MMP26: variants seen among roughly 807,000 people sequenced by gnomAD.
MMP26 encodes the protein matrix metalloproteinase-26.
Under a neutral mutation model 31.0 loss-of-function variants are expected in MMP26, and 33 were observed. That is an observed-to-expected ratio of 1.06 (90% confidence interval 0.81 to 1.42). The LOEUF (loss-of-function observed/expected upper bound fraction) is 1.42, where lower values mean the gene tolerates loss of function less well. Ranked by LOEUF, MMP26 falls within the 40% of genes most tolerant of loss-of-function variation. The pLI is 0.00. For synonymous variants in MMP26, 122 were observed against 114.9 expected (o/e 1.06, Z -0.40); for missense variants, 347 against 316.1 (o/e 1.10, Z -0.74).
At position 4,706,150 on chromosome 11, in the gene MMP26, G is replaced by A. The variant is rs376975133; in HGVS notation, c.-217+1105G>A. Reference sequence around the variant, plus strand: ...TTCAGTGAAGTAAATTGTTTGGCACGTAGAAGGCATTAAATACATTACCAC... The same window carrying A: ...TTCAGTGAAGTAAATTGTTTGGCACATAGAAGGCATTAAATACATTACCAC... On this transcript the variant is annotated intron_variant, in intron 1 of 7. Coordinates refer to ENST00000380390, the MANE Select transcript of MMP26 (RefSeq NM_021801.5). Among the ~76,000 whole-genome samples the A allele has an allele frequency of 1.2e-4, 19 of 152,276 alleles. No homozygotes were observed. The East Asian group carries it at 1.9e-3, about 15-fold the overall frequency.
chr11:4,925,335 A>G (rs1163870736), intron 2 of MMP26, among the ~76,000 whole-genome samples: 1 of 152,226 alleles, frequency 6.6e-6, no homozygotes, highest in East Asian at 1.9e-4. Flanking sequence ...GAACATTAAA[A>G]AAATTAAATT....
chr11:4,839,701 C>T (rs931137906), intron 2 of MMP26, among the ~76,000 whole-genome samples: 7 of 151,736 alleles, frequency 4.6e-5, no homozygotes, highest in African/African-American at 1.5e-4. Flanking sequence ...CCAGGTACTA[C>T]GTCAAGAGTC....
At chr11:4,821,252 G>A (rs1184325416) in intron 2 of MMP26, 1 of 720,628 alleles carries the variant, frequency 1.4e-6, no homozygotes, top group African/African-American at 1.8e-5. Context: ...GACAGACTTG[G>A]AGAGAAATGT....
At position 4,936,186 on chromosome 11, in the gene MMP26, G is replaced by A. The variant is rs544883788; in HGVS notation, c.-144-51882G>A. On this transcript the variant is annotated intron_variant, in intron 2 of 7. Transcript: ENST00000380390. ...CCTCCTTGTACCTCTGGTAGAATTC[G>A]GCTGTGAATCCATCTGGTCCTGGAC... Among the ~76,000 whole-genome samples the A allele has an allele frequency of 4.8e-5, 7 of 145,740 alleles. No homozygotes were observed. In the South Asian group the frequency reaches 6.8e-4, roughly 14 times the overall value.
At chr11:4,845,855 T>C (rs1849859505) in intron 2 of MMP26, among the ~76,000 whole-genome samples, 1 of 152,196 alleles carries the variant, frequency 6.6e-6, no homozygotes, top group Non-Finnish European at 1.5e-5. Flanking sequence ...CTCCACATCC[T>C]TGATCATCAG....
At chr11:4,804,628 T>C in intron 2 of MMP26, 2 of 661,430 alleles carry the variant, frequency 3.0e-6, no homozygotes, top group South Asian at 1.5e-5. Context: ...ACTAGTTGCA[T>C]GTGTAACTGT....
chr11:4,722,847 C>T (rs1848034221), intron 1 of MMP26: 1 of 857,600 alleles, frequency 1.2e-6, no homozygotes, highest in Non-Finnish European at 2.0e-6. Context: ...GCTGGAGCCG[C>T]GCCAGAGCCA....
At chr11:4,886,253 G>A (rs1027296330) in intron 2 of MMP26, among the ~76,000 whole-genome samples, 3 of 152,092 alleles carry the variant, frequency 2.0e-5, no homozygotes, top group African/African-American at 7.2e-5. Flanking sequence ...TTGGCCAACT[G>A]TAGTGGCTGA....
At chr11:4,884,383 C>T (rs1850521149) in intron 2 of MMP26, among the ~76,000 whole-genome samples, 1 of 152,088 alleles carries the variant, frequency 6.6e-6, no homozygotes, top group African/African-American at 2.4e-5. Flanking sequence ...AGTATTTTAC[C>T]TTTCAAGTTT....
chr11:4,927,019 T>A (rs565894980), intron 2 of MMP26, among the ~76,000 whole-genome samples: 2 of 152,184 alleles, frequency 1.3e-5, no homozygotes, highest in Non-Finnish European at 2.9e-5. Context: ...AGAAGTATCA[T>A]CTGATTTCCT....
chr11:4,968,984 A>G (rs760770263), intron 2 of MMP26, among the ~76,000 whole-genome samples: 10 of 152,012 alleles, frequency 6.6e-5, no homozygotes, highest in Admixed American at 1.3e-4. Context: ...TTGAAAACAC[A>G]CTGGACTTTC....
chr11:4,813,015 G>GTATA (rs36076505), intron 2 of MMP26, among the ~76,000 whole-genome samples: 13 of 147,712 alleles, frequency 8.8e-5, no homozygotes, highest in East Asian at 7.9e-4. Flanking sequence ...GTGTGTGTAT[G>GTATA]TATATATATA....
At chr11:4,859,961 G>A in intron 2 of MMP26, 1 of 471,160 alleles carries the variant, frequency 2.1e-6, no homozygotes, top group South Asian at 1.5e-5. Flanking sequence ...ACGACGATGA[G>A]GCCGTAGAGG....
chr11:4,942,277 G>A (rs562694548), intron 2 of MMP26, among the ~76,000 whole-genome samples: 3 of 151,522 alleles, frequency 2.0e-5, no homozygotes, highest in Admixed American at 2.0e-4. Flanking sequence ...TACTACATTT[G>A]TTTGTTTGTT....
chr11:4,926,770 AAAAT>A (rs1175745339), intron 2 of MMP26, among the ~76,000 whole-genome samples: 1 of 152,174 alleles, frequency 6.6e-6, no homozygotes, highest in East Asian at 1.9e-4. Flanking sequence ...ATGAGGAAAA[AAAAT>A]AAATAAAAGC....
At chr11:4,914,709 C>T (rs1564806036) in intron 2 of MMP26, 1 of 1,592,686 alleles carries the variant, frequency 6.3e-7, no homozygotes, top group East Asian at 2.3e-5. Context: ...GGCTCTAACA[C>T]TAGACACAGT....
chr11:4,829,736 A>T (rs930541364), intron 2 of MMP26, among the ~76,000 whole-genome samples: 7 of 152,192 alleles, frequency 4.6e-5, no homozygotes, highest in African/African-American at 1.7e-4. Flanking sequence ...CATCACATTA[A>T]AAATCTGTCT....
At chr11:4,824,873 T>C (rs1849559976) in intron 2 of MMP26, among the ~76,000 whole-genome samples, 1 of 152,098 alleles carries the variant, frequency 6.6e-6, no homozygotes, top group South Asian at 2.1e-4. Context: ...TTAATTAATA[T>C]TCATACTACC....
intron 2 of MMP26, among the ~76,000 whole-genome samples, chr11:4,775,736 G>T (rs1184727266): frequency 6.6e-6 from 1 of 151,192 alleles, no homozygotes; most frequent in Non-Finnish European, 1.5e-5. Context: ...CAAGGAAAGA[G>T]AGGAAGTGAG....
Sources: allele counts gnomAD v4.1 joint callset (sites outside exome capture counted in the v4.1 genomes callset), GRCh38; gene constraint gnomAD v4.1.1; transcripts MANE v1.5; gene names NCBI Gene and HGNC (gene_info 2026-07-23, HGNC 2026-07-21).